The following KCNK10 variants were observed in gnomAD, a reference collection of about 807,000 sequenced individuals.
KCNK10 encodes the protein potassium two pore domain channel subfamily K member 10, also known as potassium channel subfamily K member 10.
A neutral mutation model predicts 47.7 loss-of-function variants in KCNK10; 25 were observed. The ratio of observed to expected loss-of-function variants is 0.52; its 90% CI spans 0.38 to 0.73. The LOEUF (loss-of-function observed/expected upper bound fraction) is 0.73. Ranked by LOEUF, KCNK10 falls within the 30% of genes least tolerant of loss-of-function variation. The probability of loss-of-function intolerance (pLI) is 0.00; values close to 1 mark genes in which losing one functional copy is unlikely to be tolerated. For missense variants in KCNK10, 563 were observed against 714.5 expected, an observed-to-expected ratio of 0.79 and a Z score of 2.42; for synonymous variants, 303 against 285.6, an observed-to-expected ratio of 1.06 and a Z score of -0.61.
upstream of KCNK10, chr14:88,326,686 C>T (rs1053420282): frequency 5.3e-6 from 3 of 563,108 alleles, no homozygotes; most frequent in Admixed American, 3.3e-5. Flanking sequence ...GCGCTGCTAC[C>T]GGGCACGGGT....
chr14:88,215,169 C>T (rs1885579160), intron 4 of KCNK10, among the ~76,000 whole-genome samples: 1 of 152,014 alleles, frequency 6.6e-6, no homozygotes, highest in Non-Finnish European at 1.5e-5. Context: ...ATAATAAACC[C>T]TCAAAACAGA....
intron 2 of KCNK10, among the ~76,000 whole-genome samples, chr14:88,257,495 G>A (rs1157561436): frequency 1.3e-5 from 2 of 152,236 alleles, no homozygotes; most frequent in Non-Finnish European, 2.9e-5. Flanking sequence ...GCCAGCCATT[G>A]GGATACCCTC....
chr14:88,225,552 C>T (rs927708569), intron 4 of KCNK10, among the ~76,000 whole-genome samples: 4 of 152,266 alleles, frequency 2.6e-5, no homozygotes, highest in Non-Finnish European at 5.9e-5. Flanking sequence ...TAGCAGATGT[C>T]CAGATGATTG....
At chr14:88,226,992 C>T (rs1023410221) in intron 4 of KCNK10, among the ~76,000 whole-genome samples, 2 of 152,176 alleles carry the variant, frequency 1.3e-5, no homozygotes, top group Non-Finnish European at 2.9e-5. Context: ...GAAAATAAAA[C>T]GGAGTAAGGG....
rs573026363 is a variant in KCNK10, at chr14:88,180,693, T to C, written c.*4842A>G. On this transcript the variant is annotated 3_prime_UTR_variant, in exon 7 of 7. Transcript: ENST00000319231. ...CAGTAAAATCAGAGACACCTCTCAT[T>C]TCTCCTCAATGCCACTGCACTGATG... is the stretch of plus-strand genomic sequence containing the variant. 2.5e-6 allele frequency: 1 copy of C among 398,572 alleles called. No homozygotes were observed. Among genetic ancestry groups the C allele is most frequent in the East Asian group, 3.5e-5 (1 of 28,208 alleles). The allele number at this position is 398,572 out of a possible 1,614,324, so 24.7% of individuals were successfully genotyped here.
At chr14:88,283,861 C>T (rs576836203) in intron 1 of KCNK10, among the ~76,000 whole-genome samples, 1 of 152,144 alleles carries the variant, frequency 6.6e-6, no homozygotes, top group East Asian at 1.9e-4. Context: ...TTGCAGTGAG[C>T]TGAGATTGCA....
intron 2 of KCNK10, among the ~76,000 whole-genome samples, chr14:88,241,831 C>A (rs141934669): frequency 6.6e-6 from 1 of 152,158 alleles, no homozygotes; most frequent in Non-Finnish European, 1.5e-5. Context: ...ATTAAAGATA[C>A]GCTAAAAATC....
At chr14:88,202,610 G>A (rs1885136437) in intron 4 of KCNK10, among the ~76,000 whole-genome samples, 1 of 152,188 alleles carries the variant, frequency 6.6e-6, no homozygotes, top group African/African-American at 2.4e-5. Context: ...CCACTCCCCA[G>A]ACCATTCTGA....
At chr14:88,292,587 G>A (rs927945901) in intron 1 of KCNK10, among the ~76,000 whole-genome samples, 2 of 152,060 alleles carry the variant, frequency 1.3e-5, no homozygotes, top group Admixed American at 6.5e-5. Context: ...CCGACCTGAG[G>A]TGATGTACCC....
At chr14:88,255,395 T>C (rs938348160) in intron 2 of KCNK10, among the ~76,000 whole-genome samples, 1 of 152,088 alleles carries the variant, frequency 6.6e-6, no homozygotes, top group Non-Finnish European at 1.5e-5. Flanking sequence ...AATGAGATGA[T>C]GATTGAACCT....
chr14:88,252,312 G>A (rs1886823876), intron 2 of KCNK10, among the ~76,000 whole-genome samples: 1 of 152,122 alleles, frequency 6.6e-6, no homozygotes, highest in Non-Finnish European at 1.5e-5. Context: ...GCTCCAAGAA[G>A]GCAGGGACCA....
chr14:88,197,572 TAAAAAAAAAAAAAAAAAAAAAAAAAAAAA>T (rs71417717), intron 4 of KCNK10, among the ~76,000 whole-genome samples: 5 of 17,142 alleles, frequency 2.9e-4, no homozygotes, highest in Admixed American at 1.5e-3. Context: ...AGACTCCGAC[TAAAAAAAAAAAAAAAAAAAAAAAAAAAAA>T]AAAAAAAAAA....
chr14:88,239,217 A>T, intron 3 of KCNK10, among the ~76,000 whole-genome samples: 1 of 152,162 alleles, frequency 6.6e-6, no homozygotes, highest in South Asian at 2.1e-4. Flanking sequence ...AAAAAAAAAA[A>T]ACTCAACATC....
intron 1 of KCNK10, among the ~76,000 whole-genome samples, chr14:88,305,284 C>A (rs939077479): frequency 6.6e-6 from 1 of 152,030 alleles, no homozygotes; most frequent in Non-Finnish European, 1.5e-5. Context: ...CTAAAAGCAA[C>A]GGTTCACTAT....
intron 1 of KCNK10, among the ~76,000 whole-genome samples, chr14:88,297,996 A>G (rs1330250559): frequency 2.6e-5 from 4 of 152,214 alleles, no homozygotes; most frequent in Non-Finnish European, 5.9e-5. Flanking sequence ...AGGTATGCCC[A>G]GGAGAGTCAT....
At chr14:88,243,895 T>C (rs1886549937) in intron 2 of KCNK10, among the ~76,000 whole-genome samples, 1 of 151,282 alleles carries the variant, frequency 6.6e-6, no homozygotes, top group Admixed American at 6.6e-5. Flanking sequence ...ATCTGTGACG[T>C]CAATTCCTCT....
At chr14:88,231,570 T>A (rs1324101959) in intron 3 of KCNK10, among the ~76,000 whole-genome samples, 1 of 152,210 alleles carries the variant, frequency 6.6e-6, no homozygotes, top group Non-Finnish European at 1.5e-5. Flanking sequence ...TGAAAAAGCA[T>A]CTGCACATAG....
chr14:88,271,058 C>T, intron 1 of KCNK10: 1 of 479,924 alleles, frequency 2.1e-6, no homozygotes, highest in East Asian at 3.3e-5. Flanking sequence ...GGTCTCGCTT[C>T]CCAGATTCTT....
In KCNK10 at chr14:88,256,755, G is replaced by A. The variant is rs139892855; in HGVS notation, c.402+6447C>T. On this transcript the variant is annotated intron_variant, in intron 2 of 6. Transcript: ENST00000319231. ...CTCTTTTCCCTCAGCAGAACTCCAC[G>A]ATGCGCATCAGTTAGGAGTTTTCTG... Among the ~76,000 whole-genome samples, 1,010 of 152,190 alleles carry A rather than the reference G, an allele frequency of 6.6e-3. 11 individuals carry two copies. Among genetic ancestry groups the A allele is most frequent in the African/African-American group, 0.022 (926 of 41,502 alleles).
Sources: allele counts gnomAD v4.1 joint callset (sites outside exome capture counted in the v4.1 genomes callset), GRCh38; gene constraint gnomAD v4.1.1; transcripts MANE v1.5; gene names NCBI Gene and HGNC (gene_info 2026-07-23, HGNC 2026-07-21).